TANC2: variants seen among roughly 807,000 people sequenced by gnomAD.
TANC2 encodes protein TANC2.
In TANC2, 26 loss-of-function variants were observed where a neutral mutation model predicts 210.5. The ratio of observed to expected loss-of-function variants is 0.12; its 90% CI spans 0.09 to 0.17. TANC2 has a LOEUF of 0.17. Among genes scored for constraint, TANC2 ranks in the 10% least tolerant of loss-of-function variants. The pLI is 1.00. For missense variants in TANC2, 2,129 were observed against 2,608.9 expected (o/e 0.82, Z 4.01); for synonymous variants, 931 against 967.1 (o/e 0.96, Z 0.69).
At chr17:63,004,158 G>C (rs1485598148) in intron 1 of TANC2, among the ~76,000 whole-genome samples, 1 of 152,174 alleles carries the variant, frequency 6.6e-6, no homozygotes, top group African/African-American at 2.4e-5. Context: ...AGCCAGCCCT[G>C]ACTTTCAGGT....
chr17:63,208,530 C>A (rs1018513194), intron 7 of TANC2, among the ~76,000 whole-genome samples: 21 of 152,156 alleles, frequency 1.4e-4, no homozygotes, highest in African/African-American at 5.1e-4. Context: ...ACTTAAGAAT[C>A]AATTTGCCAA....
chr17:63,387,161 T>TGAAC (rs2147134198), intron 15 of TANC2, among the ~76,000 whole-genome samples: 1 of 152,230 alleles, frequency 6.6e-6, no homozygotes, highest in South Asian at 2.1e-4. Flanking sequence ...AAAATAAAAT[T>TGAAC]TTTAATAGGA....
At chr17:63,410,605 C>T (rs550685044) in intron 21 of TANC2, among the ~76,000 whole-genome samples, 28 of 151,860 alleles carry the variant, frequency 1.8e-4, no homozygotes, top group Non-Finnish European at 3.2e-4. Flanking sequence ...AAACATTCAC[C>T]GAACTCTGGT....
chr17:63,036,393 T>TTGCAC (rs1178628597), intron 2 of TANC2, among the ~76,000 whole-genome samples: 1 of 152,196 alleles, frequency 6.6e-6, no homozygotes, highest in African/African-American at 2.4e-5. Flanking sequence ...TGAATAGCTT[T>TTGCAC]TGCACTGTTG....
At chr17:63,086,724 G>A (rs2036980109) in intron 3 of TANC2, among the ~76,000 whole-genome samples, 1 of 152,154 alleles carries the variant, frequency 6.6e-6, no homozygotes, top group Admixed American at 6.5e-5. Context: ...GTCAAGTGGG[G>A]ACTTGGAGAA....
At chr17:62,991,338 T>C (rs1483059390) in intron 1 of TANC2, among the ~76,000 whole-genome samples, 1 of 151,964 alleles carries the variant, frequency 6.6e-6, no homozygotes, top group East Asian at 1.9e-4. Context: ...GGATCAAAAG[T>C]ATTAAAACTA....
intron 9 of TANC2, among the ~76,000 whole-genome samples, chr17:63,294,232 CT>C (rs2044467314): frequency 1.3e-5 from 2 of 152,158 alleles, no homozygotes; most frequent in Non-Finnish European, 2.9e-5. Flanking sequence ...AATCCCAGCA[CT>C]TTGGGAGGCC....
intron 14 of TANC2, among the ~76,000 whole-genome samples, chr17:63,357,976 T>A (rs555312912): frequency 1.3e-5 from 2 of 152,368 alleles, no homozygotes; most frequent in African/African-American, 4.8e-5. Flanking sequence ...GCCTGACATG[T>A]ACATCTCTGT....
At chr17:63,107,438 T>A (rs968830688) in intron 4 of TANC2, among the ~76,000 whole-genome samples, 4 of 151,730 alleles carry the variant, frequency 2.6e-5, no homozygotes, top group African/African-American at 9.7e-5. Flanking sequence ...ATGTTAACGA[T>A]TATTGCTTTT....
intron 11 of TANC2, among the ~76,000 whole-genome samples, chr17:63,329,579 A>G (rs940047539): frequency 3.2e-4 from 48 of 152,198 alleles, no homozygotes; most frequent in African/African-American, 1.1e-3. Context: ...TCATGTCTCC[A>G]TGTCACATTT....
chr17:63,312,334 T>C (rs1445944160), intron 9 of TANC2, among the ~76,000 whole-genome samples: 8 of 152,108 alleles, frequency 5.3e-5, no homozygotes, highest in Admixed American at 5.2e-4. Flanking sequence ...CAGTGGTGGA[T>C]AGGATAAAGA....
chr17:63,035,621 G>A (rs2034940292), intron 2 of TANC2, among the ~76,000 whole-genome samples: 1 of 152,122 alleles, frequency 6.6e-6, no homozygotes, highest in African/African-American at 2.4e-5. Context: ...AGACCATTTG[G>A]ATTATTTCCA....
At chr17:63,236,231 A>G (rs2042616161) in intron 7 of TANC2, among the ~76,000 whole-genome samples, 1 of 152,108 alleles carries the variant, frequency 6.6e-6, no homozygotes, top group African/African-American at 2.4e-5. Context: ...TTCCCTTTTG[A>G]TGAAATTCTG....
chr17:63,417,338 C>A lies in TANC2; in HGVS notation c.4168-969C>A, dbSNP rs1242034627. ...ACCATGCTATACTGTGGCTTTGACA[C>A]TAAAAGAAGGGGAAAGCCTTCTCTT... On this transcript the variant is annotated intron_variant, in intron 26 of 27. Coordinates refer to ENST00000689528, the Ensembl canonical transcript of TANC2. Among the ~76,000 whole-genome samples, 5 of 152,286 alleles carry A rather than the reference C, an allele frequency of 3.3e-5. No homozygotes were observed. In the East Asian group the frequency reaches 9.7e-4, roughly 29 times the overall value.
intron 7 of TANC2, among the ~76,000 whole-genome samples, chr17:63,223,751 A>G (rs1479667535): frequency 2.0e-5 from 3 of 152,150 alleles, no homozygotes; most frequent in Middle Eastern, 3.4e-3. Context: ...AATAACGAGC[A>G]GTGAGGGCAA....
intron 3 of TANC2, among the ~76,000 whole-genome samples, chr17:63,075,214 TTAC>T (rs998157321): frequency 6.6e-6 from 1 of 152,146 alleles, no homozygotes; most frequent in Non-Finnish European, 1.5e-5. Context: ...TTAGTACAAA[TTAC>T]TACTAAAATT....
chr17:63,170,148 C>T (rs192299387), intron 5 of TANC2, among the ~76,000 whole-genome samples: 25 of 130,494 alleles, frequency 1.9e-4, no homozygotes, highest in Non-Finnish European at 2.7e-4. Context: ...AATTTATTGG[C>T]GGGGCATGGT....
At position 63,315,933 on chromosome 17, in the gene TANC2, A is replaced by G. The variant is rs933449007; in HGVS notation, c.1441+1264A>G. Among the ~76,000 whole-genome samples the G allele has an allele frequency of 2.6e-4, 39 of 152,340 alleles. 1 individual carries two copies. Among genetic ancestry groups the G allele is most frequent in the Admixed American group, 1.8e-3 (28 of 15,302 alleles). The stretch of plus-strand genomic sequence containing the variant: ...GAAGAATTCTTTTCTTCAGAGGAAT[A>G]TAATGCTTAGTTTCTAAATGAAGCT... On this transcript the variant is annotated intron_variant, in intron 10 of 27. Coordinates refer to ENST00000689528, the Ensembl canonical transcript of TANC2.
In TANC2 at chr17:63,288,113, G is replaced by A. The variant is rs573086635; in HGVS notation, c.1159+20240G>A. Among the ~76,000 whole-genome samples the A allele has an allele frequency of 5.9e-5, 9 of 152,236 alleles. No individual in the cohort carries two copies. In the South Asian group the frequency reaches 1.2e-3, roughly 21 times the overall value. On this transcript the variant is annotated intron_variant, in intron 9 of 27. Coordinates refer to ENST00000689528, the Ensembl canonical transcript of TANC2. ...TTGGATAGTTTCCTCACATACACAT[G>A]CCAGTGAGTACTCCATTGATTTCTC...
Sources: gnomAD v4.1 joint callset for allele counts (sites outside exome capture counted in the v4.1 genomes callset) on GRCh38, gnomAD v4.1.1 for gene constraint, MANE v1.5 for transcripts, NCBI Gene and HGNC (gene_info 2026-07-23, HGNC 2026-07-21) for gene names.